Variants in NLGN1 observed in about 807,000 individuals in gnomAD.
The protein encoded by NLGN1 is neuroligin 1.
In NLGN1, 12 loss-of-function variants were observed where a neutral mutation model predicts 65.5. The observed-to-expected ratio is 0.18, with a 90% CI of 0.12 to 0.30. The LOEUF (loss-of-function observed/expected upper bound fraction) is 0.30. NLGN1 is among the 10% of genes least tolerant of loss of function. NLGN1 has a pLI of 1.00. For missense variants in NLGN1, 750 were observed against 1,007.1 expected, an observed-to-expected ratio of 0.74 and a Z score of 3.46; for synonymous variants, 350 against 359.5, an observed-to-expected ratio of 0.97 and a Z score of 0.30.
intron 4 of NLGN1, among the ~76,000 whole-genome samples, chr3:173,988,574 G>A (rs940692726): frequency 3.9e-5 from 6 of 152,208 alleles, no homozygotes; most frequent in Non-Finnish European, 7.4e-5. Context: ...TTAAGCACGA[G>A]GCTGCCTATC....
intron 3 of NLGN1, among the ~76,000 whole-genome samples, chr3:173,667,150 G>A (rs1442220091): frequency 6.6e-6 from 1 of 151,840 alleles, no homozygotes; most frequent in Non-Finnish European, 1.5e-5. Flanking sequence ...AGCTTTGTGT[G>A]ATGTAACATT....
intron 3 of NLGN1, among the ~76,000 whole-genome samples, chr3:173,797,535 T>C (rs1415402216): frequency 6.6e-6 from 1 of 152,058 alleles, no homozygotes; most frequent in Non-Finnish European, 1.5e-5. Flanking sequence ...AATATTTGTA[T>C]TTGCTTCTAA....
chr3:173,619,749 C>G (rs1753688472), intron 3 of NLGN1, among the ~76,000 whole-genome samples: 1 of 152,138 alleles, frequency 6.6e-6, no homozygotes, highest in South Asian at 2.1e-4. Flanking sequence ...TAGCCACTCA[C>G]TATAACAAAC....
chr3:173,607,355 T>A (rs1170285853), intron 3 of NLGN1, among the ~76,000 whole-genome samples: 1 of 151,864 alleles, frequency 6.6e-6, no homozygotes, highest in East Asian at 1.9e-4. Flanking sequence ...GTTGTGCTTA[T>A]TCATACTATT....
At chr3:174,021,843 A>G (rs1237350753) in intron 4 of NLGN1, among the ~76,000 whole-genome samples, 1 of 152,200 alleles carries the variant, frequency 6.6e-6, no homozygotes, top group Non-Finnish European at 1.5e-5. Flanking sequence ...TGTCACTTAC[A>G]ACTGAAAGCA....
At chr3:173,706,485 G>A (rs1258631155) in intron 3 of NLGN1, among the ~76,000 whole-genome samples, 1 of 152,106 alleles carries the variant, frequency 6.6e-6, no homozygotes, top group Non-Finnish European at 1.5e-5. Flanking sequence ...TGGCTTAAAG[G>A]TGCTTAGGTA....
At chr3:173,584,637 C>A (rs961610782) in intron 2 of NLGN1, 2 of 151,598 alleles carry the variant, frequency 1.3e-5, no homozygotes, top group Non-Finnish European at 2.9e-5. Flanking sequence ...AAAGAAGTAA[C>A]GTTGTTTGAT....
chr3:173,489,406 C>A (rs527375283), intron 2 of NLGN1, among the ~76,000 whole-genome samples: 31 of 152,102 alleles, frequency 2.0e-4, no homozygotes, highest in Non-Finnish European at 3.4e-4. Context: ...CCTACAAAGG[C>A]CATGAACTCA....
chr3:173,491,403 A>G (rs1729138936), intron 2 of NLGN1, among the ~76,000 whole-genome samples: 1 of 151,596 alleles, frequency 6.6e-6, no homozygotes, highest in African/African-American at 2.4e-5. Flanking sequence ...ATGTTTATTG[A>G]TTTTCATATG....
chr3:174,247,496 CT>C (rs939534965), intron 4 of NLGN1, among the ~76,000 whole-genome samples: 21 of 152,050 alleles, frequency 1.4e-4, no homozygotes, highest in African/African-American at 5.1e-4. Flanking sequence ...GGTCTTTCTT[CT>C]TCCTGCTGTC....
intron 4 of NLGN1, among the ~76,000 whole-genome samples, chr3:174,074,834 G>A (rs535873657): frequency 1.8e-4 from 27 of 152,250 alleles, no homozygotes; most frequent in Admixed American, 1.4e-3. Flanking sequence ...TAAGCAGTCC[G>A]TTACACAGTC....
chr3:174,264,604 T>G (rs1236271260), intron 4 of NLGN1, among the ~76,000 whole-genome samples: 2 of 149,594 alleles, frequency 1.3e-5, no homozygotes, highest in Non-Finnish European at 3.0e-5. Context: ...TTCAAAGTTT[T>G]CAACTTCTTT....
chr3:173,970,401 G>A (rs1715959629), intron 4 of NLGN1, among the ~76,000 whole-genome samples: 1 of 152,156 alleles, frequency 6.6e-6, no homozygotes, highest in African/African-American at 2.4e-5. Context: ...ATTTTAGCTA[G>A]AAGGAATGGC....
At chr3:173,980,734 A>G (rs1718603814) in intron 4 of NLGN1, among the ~76,000 whole-genome samples, 1 of 152,026 alleles carries the variant, frequency 6.6e-6, no homozygotes, top group African/African-American at 2.4e-5. Context: ...TTTTACTTTA[A>G]TATATATAGA....
At chr3:173,542,828 A>C (rs1256996827) in intron 2 of NLGN1, among the ~76,000 whole-genome samples, 2 of 152,082 alleles carry the variant, frequency 1.3e-5, no homozygotes, top group African/African-American at 4.8e-5. Flanking sequence ...GTGATTGAAA[A>C]TACGTGCCAC....
intron 4 of NLGN1, among the ~76,000 whole-genome samples, chr3:174,191,500 A>G (rs1732386088): frequency 6.6e-6 from 1 of 152,184 alleles, no homozygotes; most frequent in South Asian, 2.1e-4. Context: ...CTCTTAACGG[A>G]GATCAAAGAA....
chr3:174,065,514 A>T (rs1440565108), intron 4 of NLGN1, among the ~76,000 whole-genome samples: 1 of 152,150 alleles, frequency 6.6e-6, no homozygotes, highest in Non-Finnish European at 1.5e-5. Context: ...GCGTGATTTA[A>T]ACATTTTAAG....
intron 4 of NLGN1, among the ~76,000 whole-genome samples, chr3:173,868,166 C>T (rs1730542099): frequency 6.6e-6 from 1 of 152,058 alleles, no homozygotes; most frequent in African/African-American, 2.4e-5. Context: ...CCAGCATTTA[C>T]AGAATCCTAG....
chr3:173,590,762 A>T (rs1748348547), intron 2 of NLGN1, among the ~76,000 whole-genome samples: 1 of 152,186 alleles, frequency 6.6e-6, no homozygotes, highest in Non-Finnish European at 1.5e-5. Context: ...AATGTACAAA[A>T]TTCCAAAGGG....
Sources: gnomAD v4.1 joint callset for allele counts (sites outside exome capture counted in the v4.1 genomes callset) on GRCh38, gnomAD v4.1.1 for gene constraint, MANE v1.5 for transcripts, NCBI Gene and HGNC (gene_info 2026-07-23, HGNC 2026-07-21) for gene names.